Variants in NSUN7 observed in about 807,000 individuals in gnomAD.
NSUN7 encodes NOP2/Sun RNA methyltransferase family member 7.
NSUN7 carries 39 observed loss-of-function variants against 58.5 expected under a neutral mutation model. The ratio of observed to expected loss-of-function variants is 0.67; its 90% confidence interval spans 0.52 to 0.87. The LOEUF is 0.87. NSUN7 is among the 40% of genes least tolerant of loss of function. The probability of loss-of-function intolerance (pLI) is 0.00; values close to 1 mark genes in which losing one functional copy is unlikely to be tolerated. For missense variants in NSUN7, 765 were observed against 844.1 expected (o/e 0.91, Z 1.16); for synonymous variants, 278 against 303.7 (o/e 0.92, Z 0.88).
intron 2 of NSUN7, among the ~76,000 whole-genome samples, chr4:40,759,099 C>T (rs1270081817): frequency 6.6e-6 from 1 of 152,086 alleles, no homozygotes; most frequent in East Asian, 1.9e-4. Context: ...CACCTGAGGT[C>T]AGGAGTTCGA....
Position 40,750,635 on chromosome 4 carries a change from C to G in NSUN7, c.-59C>G. The G allele has an allele frequency of 6.3e-7, 1 of 1,577,480 alleles. No individual in the cohort carries two copies. The highest frequency in any genetic ancestry group is 8.6e-7 in the Non-Finnish European group (1 of 1,158,968). On this transcript the variant is annotated 5_prime_UTR_variant, in exon 2 of 12. Transcript: ENST00000381782. ...GCTGCAGATGCGAGGAAAGCCGTTT[C>G]CTGGAACATCGGAATTCTAACCCCA...
chr4:40,761,684 C>T (rs1385170560), intron 4 of NSUN7, among the ~76,000 whole-genome samples: 47 of 151,926 alleles, frequency 3.1e-4, no homozygotes, highest in Non-Finnish European at 8.8e-5. Flanking sequence ...CAACAGTAGA[C>T]AAGAATCAAC....
rs568182743 is a variant in NSUN7, at chr4:40,773,638, A to G, written c.489-627A>G. On this transcript the variant is annotated intron_variant, in intron 4 of 11. Coordinates refer to ENST00000381782, the MANE Select transcript of NSUN7 (RefSeq NM_024677.6). ...GCAGAGGTTGCAGTAAGCCAAGATC[A>G]TGCCACTGCACTCCAGCCTGGGCGA... 5.3e-5 allele frequency among the ~76,000 whole-genome samples: 8 copies of G among 151,784 alleles called. No homozygotes were observed. The South Asian group carries it at 1.5e-3, about 28-fold the overall frequency.
intron 7 of NSUN7, among the ~76,000 whole-genome samples, chr4:40,778,910 T>A (rs1742394376): frequency 6.6e-6 from 1 of 152,190 alleles, no homozygotes; most frequent in Non-Finnish European, 1.5e-5. Context: ...GGCTAGATTT[T>A]TATATCCACC....
intron 8 of NSUN7, among the ~76,000 whole-genome samples, chr4:40,791,798 C>G (rs1464801402): frequency 6.6e-6 from 1 of 152,090 alleles, no homozygotes; most frequent in African/African-American, 2.4e-5. Context: ...ATGTCCCAGG[C>G]AATATTCTAG....
At chr4:40,767,388 C>A (rs1427983579) in intron 4 of NSUN7, among the ~76,000 whole-genome samples, 1 of 152,076 alleles carries the variant, frequency 6.6e-6, no homozygotes, top group Admixed American at 6.6e-5. Flanking sequence ...TGTAGTTGAG[C>A]GGTTTTGAGT....
chr4:40,780,655 C>A (rs577476693), intron 7 of NSUN7, among the ~76,000 whole-genome samples: 8 of 149,228 alleles, frequency 5.4e-5, no homozygotes, highest in African/African-American at 2.0e-4. Context: ...AAAAGCAAGA[C>A]AAATAGCAAA....
chr4:40,777,496 G>A (rs999860085), intron 7 of NSUN7, among the ~76,000 whole-genome samples: 2 of 151,972 alleles, frequency 1.3e-5, no homozygotes. Context: ...AACATGCCCC[G>A]CTAATTTTTG....
intron 4 of NSUN7, among the ~76,000 whole-genome samples, chr4:40,772,398 A>G (rs1450774706): frequency 6.6e-6 from 1 of 152,210 alleles, no homozygotes; most frequent in African/African-American, 2.4e-5. Context: ...TTTGAGGTGC[A>G]TTAATGTACT....
chr4:40,804,057 G>A (rs1042545414), intron 10 of NSUN7, among the ~76,000 whole-genome samples: 2 of 152,164 alleles, frequency 1.3e-5, no homozygotes, highest in African/African-American at 4.8e-5. Flanking sequence ...AGATGCATGG[G>A]CTTATTTCTG....
At chr4:40,756,806 G>T (rs892900097) in intron 2 of NSUN7, among the ~76,000 whole-genome samples, 1 of 152,208 alleles carries the variant, frequency 6.6e-6, no homozygotes, top group African/African-American at 2.4e-5. Flanking sequence ...CCCAATGTAT[G>T]ATGGGGGTCC....
intron 2 of NSUN7, among the ~76,000 whole-genome samples, chr4:40,752,439 G>T (rs1038610386): frequency 5.9e-5 from 9 of 152,108 alleles, no homozygotes; most frequent in African/African-American, 1.9e-4. Flanking sequence ...CTATTTTTTT[G>T]AGATGGAGTC....
chr4:40,786,779 G>T, intron 7 of NSUN7: 1 of 1,447,826 alleles, frequency 6.9e-7, no homozygotes, highest in Non-Finnish European at 9.3e-7. Context: ...AAATAGAAGA[G>T]TGTCTACAGC....
At chr4:40,797,706 C>T (rs1327357401) in intron 9 of NSUN7, among the ~76,000 whole-genome samples, 1 of 152,190 alleles carries the variant, frequency 6.6e-6, no homozygotes, top group Non-Finnish European at 1.5e-5. Context: ...ATTTCTCTGC[C>T]AGCCTCTGCC....
At chr4:40,794,673 G>A (rs1180677513) in intron 9 of NSUN7, among the ~76,000 whole-genome samples, 197 bp downstream of exon 9, 1 of 152,124 alleles carries the variant, frequency 6.6e-6, no homozygotes, top group Non-Finnish European at 1.5e-5. Flanking sequence ...ATGCTTTACT[G>A]TAATTTTAAA....
intron 10 of NSUN7, among the ~76,000 whole-genome samples, chr4:40,805,796 G>A (rs1743787539): frequency 6.6e-6 from 1 of 152,046 alleles, no homozygotes; most frequent in Non-Finnish European, 1.5e-5. Context: ...GTGGTTGCTG[G>A]CTGTCCTTGC....
At chr4:40,802,382 T>C (rs770563267) in intron 10 of NSUN7, among the ~76,000 whole-genome samples, 4 of 152,312 alleles carry the variant, frequency 2.6e-5, no homozygotes, top group African/African-American at 4.8e-5. Context: ...CAAAGATGCA[T>C]AATGAAATGG....
intron 7 of NSUN7, among the ~76,000 whole-genome samples, chr4:40,777,792 G>T (rs111906782): frequency 5.9e-5 from 9 of 152,224 alleles, no homozygotes; most frequent in African/African-American, 1.9e-4. Flanking sequence ...TTGAGACAGG[G>T]TCTTGTTATG....
At chr4:40,798,516 T>C (rs1310445383) in intron 9 of NSUN7, among the ~76,000 whole-genome samples, 1 of 152,212 alleles carries the variant, frequency 6.6e-6, no homozygotes, top group African/African-American at 2.4e-5. Flanking sequence ...CCTGCAGTAT[T>C]TATTTATTTG....
Sources: gnomAD v4.1 joint callset for allele counts (sites outside exome capture counted in the v4.1 genomes callset) on GRCh38, gnomAD v4.1.1 for gene constraint, MANE v1.5 for transcripts, NCBI Gene and HGNC (gene_info 2026-07-23, HGNC 2026-07-21) for gene names.